NLRP14: variants seen among roughly 807,000 people sequenced by gnomAD.
NLRP14 encodes NLR family pyrin domain containing 14, also known as NACHT, LRR and PYD domains-containing protein 14.
A neutral mutation model predicts 94.7 loss-of-function variants in NLRP14; 105 were observed. That is an observed-to-expected ratio of 1.11 (90% CI 0.95 to 1.30). NLRP14 has a LOEUF of 1.30. NLRP14 is among the 50% of genes most tolerant of loss of function. NLRP14 has a pLI of 0.00. For missense variants in NLRP14, 1,362 were observed against 1,254.1 expected (o/e 1.09, Z -1.30); for synonymous variants, 508 against 459.9 (o/e 1.10, Z -1.34).
chr11:7,080,737 A>G, the NLRP14 span, among the ~76,000 whole-genome samples: 20 of 152,338 alleles, frequency 1.3e-4, no homozygotes, highest in African/African-American at 4.8e-4. Context: ...ATTTATCACC[A>G]AGGGGAAAAA....
chr11:7,070,067 C>T (rs978052172), intron 10 of NLRP14, among the ~76,000 whole-genome samples: 10 of 152,096 alleles, frequency 6.6e-5, no homozygotes, highest in African/African-American at 1.7e-4. Context: ...TTAATAATTA[C>T]GAATTTGTAA....
At chr11:7,077,569 G>A in the NLRP14 span, among the ~76,000 whole-genome samples, 1 of 152,240 alleles carries the variant, frequency 6.6e-6, no homozygotes, top group African/African-American at 2.4e-5. Flanking sequence ...GGCTGCAGAT[G>A]AAGACATACC....
At chr11:7,089,443 T>C in the NLRP14 span, 5 of 1,526,918 alleles carry the variant, frequency 3.3e-6, no homozygotes, top group Non-Finnish European at 4.4e-6. Flanking sequence ...CCGAGGTTCC[T>C]GCGCGGAACC....
intron 10 of NLRP14, among the ~76,000 whole-genome samples, chr11:7,065,444 T>C (rs1310376478): frequency 6.6e-6 from 1 of 152,174 alleles, no homozygotes; most frequent in Non-Finnish European, 1.5e-5. Flanking sequence ...TGCTAATTTG[T>C]AGATACTTTT....
chr11:7,053,114 CTTTAT>C (rs1852465906), intron 6 of NLRP14, among the ~76,000 whole-genome samples: 1 of 152,052 alleles, frequency 6.6e-6, no homozygotes, highest in Admixed American at 6.6e-5. Context: ...TTTTTGCTGT[CTTTAT>C]TTTAATATGA....
At chr11:7,032,494 G>T (rs1013089712) in intron 1 of NLRP14, among the ~76,000 whole-genome samples, 3 of 152,002 alleles carry the variant, frequency 2.0e-5, no homozygotes, top group African/African-American at 7.2e-5. Flanking sequence ...GAAAACTCAT[G>T]CATGTTTGTA....
intron 6 of NLRP14, among the ~76,000 whole-genome samples, chr11:7,054,270 G>A (rs2119664226): frequency 6.6e-6 from 1 of 152,228 alleles, no homozygotes; most frequent in Admixed American, 6.5e-5. Context: ...GTAAACATGG[G>A]AGTGCAGGTA....
the NLRP14 span, chr11:7,089,908 A>G: frequency 2.5e-6 from 4 of 1,612,810 alleles, no homozygotes; most frequent in Non-Finnish European, 2.5e-6. Context: ...CGAGACGGCT[A>G]CGGAGGTCGC....
At chr11:7,062,033 C>A (rs1852630046) in intron 9 of NLRP14, among the ~76,000 whole-genome samples, 1 of 151,868 alleles carries the variant, frequency 6.6e-6, no homozygotes, top group Non-Finnish European at 1.5e-5. Flanking sequence ...CTATTAGTTC[C>A]TTGGGAAAGT....
chr11:7,052,858 T>A (rs1565021377), intron 6 of NLRP14, among the ~76,000 whole-genome samples: 1 of 152,158 alleles, frequency 6.6e-6, no homozygotes, highest in Non-Finnish European at 1.5e-5. Flanking sequence ...AAACAGAATT[T>A]GGGGAAATGA....
At chr11:7,063,024 C>G (rs1489697990) in intron 10 of NLRP14, among the ~76,000 whole-genome samples, 4 of 152,038 alleles carry the variant, frequency 2.6e-5, no homozygotes, top group Non-Finnish European at 5.9e-5. Flanking sequence ...GAATTGTGCT[C>G]TATGTGTGGG....
intron 2 of NLRP14, among the ~76,000 whole-genome samples, chr11:7,039,309 A>G (rs1852210843): frequency 6.6e-6 from 1 of 152,056 alleles, no homozygotes; most frequent in African/African-American, 2.4e-5. Flanking sequence ...TCAGGTATGA[A>G]ATATTATAGA....
At chr11:7,039,168 A>G (rs559978350) in intron 2 of NLRP14, among the ~76,000 whole-genome samples, 9 of 152,254 alleles carry the variant, frequency 5.9e-5, no homozygotes, top group South Asian at 2.1e-4. Context: ...AAGTGCCTTC[A>G]CCAAAACTAC....
chr11:7,024,802 C>T (rs1053942808), intron 1 of NLRP14, among the ~76,000 whole-genome samples: 3 of 151,456 alleles, frequency 2.0e-5, no homozygotes, highest in African/African-American at 7.3e-5. Flanking sequence ...AGCATGTTAG[C>T]AATTGAATTG....
At chr11:7,089,995 C>T in the NLRP14 span, 1 of 1,612,994 alleles carries the variant, frequency 6.2e-7, no homozygotes, top group African/African-American at 1.3e-5. Flanking sequence ...CTGCGCGGCG[C>T]CGCCCCAGGA....
intron 6 of NLRP14, 97 bp from the exon 7 acceptor site, chr11:7,057,580 A>G (rs1852534447): frequency 2.5e-6 from 3 of 1,215,238 alleles, no homozygotes; most frequent in South Asian, 1.2e-5. Context: ...GCAAGATTCC[A>G]AAGATTAGGA....
At chr11:7,075,281 G>T (rs1368809076), downstream of NLRP14, among the ~76,000 whole-genome samples, 1 of 152,090 alleles carries the variant, frequency 6.6e-6, no homozygotes, top group African/African-American at 2.4e-5. Flanking sequence ...TGTCACTTAT[G>T]ACTATGCAAA....
At chr11:7,054,952 C>A (rs898910035) in intron 6 of NLRP14, among the ~76,000 whole-genome samples, 3 of 152,102 alleles carry the variant, frequency 2.0e-5, no homozygotes, top group African/African-American at 7.2e-5. Flanking sequence ...AGATTGAAGT[C>A]TTTAATCTAC....
chr11:7,062,283 A>G, intron 9 of NLRP14, 50 bp from the exon 10 acceptor site: 2 of 1,514,868 alleles, frequency 1.3e-6, no homozygotes, highest in Non-Finnish European at 1.8e-6. Context: ...GAAGAAACTT[A>G]TTTAACCTCA....
Sources: allele counts gnomAD v4.1 joint callset (sites outside exome capture counted in the v4.1 genomes callset), GRCh38; gene constraint gnomAD v4.1.1; transcripts MANE v1.5; gene names NCBI Gene and HGNC (gene_info 2026-07-23, HGNC 2026-07-21).